The following MBD1 variants were observed in gnomAD, a reference collection of about 807,000 sequenced individuals.
The protein encoded by MBD1 is methyl-CpG-binding domain protein 1.
MBD1 carries 25 observed loss-of-function variants against 82.6 expected under a neutral mutation model. The observed-to-expected ratio is 0.30, with a 90% CI of 0.22 to 0.42. The LOEUF (loss-of-function observed/expected upper bound fraction) is 0.42, where lower values mean the gene tolerates loss of function less well. Among genes scored for constraint, MBD1 ranks in the 10% least tolerant of loss-of-function variants. The probability of loss-of-function intolerance (pLI) is 1.00; values close to 1 mark genes in which losing one functional copy is unlikely to be tolerated. For missense variants in MBD1, 627 were observed against 819.6 expected, an observed-to-expected ratio of 0.76 and a Z score of 2.87; for synonymous variants, 301 against 303.7, an observed-to-expected ratio of 0.99 and a Z score of 0.09.
intron 1 of MBD1, among the ~76,000 whole-genome samples, chr18:50,280,874 G>C: frequency 6.6e-6 from 1 of 151,662 alleles, no homozygotes; most frequent in East Asian, 1.9e-4. Context: ...TCAGCATTCC[G>C]AACCCTCCTC....
intron 8 of MBD1, 107 bp downstream of exon 8, chr18:50,275,493 T>C: frequency 6.2e-7 from 1 of 1,601,354 alleles, no homozygotes; most frequent in Non-Finnish European, 8.5e-7. Context: ...AGCATAGGGT[T>C]AGGCAGAAAA....
Position 50,274,245 on chromosome 18 carries a change from C to T in MBD1, c.1087G>A (p.Gly363Arg). The change falls in exon 11 of 17, where the codon GGG becomes AGG. Residue 363 changes from glycine (G) to arginine (R), a missense_variant. Physicochemically the swap from Gly to Arg is moderately radical, Grantham distance 125. Around this residue, in one of 6 missense-constraint regions of MBD1, gnomAD observed 12 missense variants for 39.4 expected, o/e 0.30. Transcript: ENST00000269468. ...CDFCCDKPKF[G>R]GSNQKRQKCR... ...TTCTGGCGCTTCTGGTTGCTGCCCCCGAATTTGGGCTTGTCGCAGCAGAAG... is the reference window on the plus strand; with the variant it reads ...TTCTGGCGCTTCTGGTTGCTGCCCCTGAATTTGGGCTTGTCGCAGCAGAAG... 3 of 1,614,174 alleles carry T rather than the reference C, an allele frequency of 1.9e-6. No homozygotes were observed. The highest frequency in any genetic ancestry group is 2.2e-5 in the East Asian group (1 of 44,882).
At chr18:50,281,311 T>C (rs1466919326) in intron 1 of MBD1, 52 bp downstream of exon 1, 6 of 1,275,478 alleles carry the variant, frequency 4.7e-6, no homozygotes, top group Non-Finnish European at 6.6e-6. Flanking sequence ...CCACAATTCC[T>C]TCCCATCCTC....
At chr18:50,270,267 G>A (rs2034967177) in intron 16 of MBD1, 2 of 1,003,308 alleles carry the variant, frequency 2.0e-6, no homozygotes, top group South Asian at 2.5e-5. Context: ...GTAAGGCAAG[G>A]GAGGCACACA....
intron 2 of MBD1, among the ~76,000 whole-genome samples, chr18:50,277,572 A>G (rs1208850135): frequency 6.4e-5 from 2 of 31,168 alleles, no homozygotes; most frequent in African/African-American, 1.4e-4. Flanking sequence ...TACCAAGTAT[A>G]TATCAAGTAA....
chr18:50,281,164 C>G (rs997092934), intron 1 of MBD1, 199 bp downstream of exon 1: 59 of 1,533,728 alleles, frequency 3.8e-5, no homozygotes, highest in Non-Finnish European at 5.0e-5. Context: ...ACACTCCTAC[C>G]TGTCAGAGTT....
intron 13 of MBD1, 161 bp downstream of exon 13, chr18:50,273,173 G>A (rs2146404400): frequency 1.6e-6 from 2 of 1,261,224 alleles, no homozygotes; most frequent in East Asian, 2.5e-5. Context: ...CTAGTTGCCT[G>A]TGGGAGGTAG....
intron 2 of MBD1, 89 bp from the exon 3 acceptor site, chr18:50,277,293 G>C: frequency 9.5e-7 from 1 of 1,056,240 alleles, no homozygotes; most frequent in East Asian, 2.5e-5. Flanking sequence ...CAGGATATAG[G>C]AGGCAGCCTG....
Position 50,269,406 on chromosome 18 carries a change from C to T in MBD1, c.*445G>A. On this transcript the variant is annotated 3_prime_UTR_variant, in exon 17 of 17. Transcript: ENST00000269468. ...AAGATGGGCCACAAGAGACATTTTG[C>T]TTGATAACCGGAGGGCGGAAGTGAA... 9.2e-7 allele frequency: 1 copy of T among 1,082,814 alleles called. No individual in the cohort carries two copies. Among genetic ancestry groups the T allele is most frequent in the Non-Finnish European group, 1.3e-6 (1 of 780,044 alleles). 67.1% of individuals were successfully genotyped at this position (1,082,814 alleles called of 1,614,324 possible).
Position 50,268,862 on chromosome 18 carries a change from A to C in MBD1, c.*989T>G, listed in dbSNP as rs1269508266. The stretch of plus-strand genomic sequence containing the variant: ...GCATGTAAGTAAGTGGGACAATAAA[A>C]ATTTAAAAATAATTTTAAAATAGAA... On this transcript the variant is annotated 3_prime_UTR_variant, in exon 17 of 17. Coordinates refer to ENST00000269468, the MANE Select transcript of MBD1 (RefSeq NM_015846.4). The C allele has an allele frequency of 3.1e-6, 3 of 955,248 alleles. No homozygotes were observed. The highest frequency in any genetic ancestry group is 3.5e-5 in the African/African-American group (2 of 56,668). 59.2% of individuals were successfully genotyped at this position (955,248 alleles called of 1,614,324 possible).
chr18:50,281,201 G>A, intron 1 of MBD1, 162 bp downstream of exon 1: 9 of 1,533,932 alleles, frequency 5.9e-6, no homozygotes, highest in Non-Finnish European at 7.8e-6. Context: ...CCCGTCCTCA[G>A]CCTAAATCCC....
At position 50,271,515 on chromosome 18, in the gene MBD1, C is replaced by A; in HGVS notation, c.1804G>T (p.Ala602Ser). 1 of 1,614,174 alleles carries A rather than the reference C, an allele frequency of 6.2e-7. No individual in the cohort carries two copies. ...AAGCCTCCAGTCTACTGCTTTCTAG[C>A]TCCAGGTTTTTTAAGGTCTTTGGAC... Reference protein sequence around the residue: ...PRSKDLKKPGARKQ With the variant: ...PRSKDLKKPGSRKQ The change falls in exon 16 of 17, where the codon GCT becomes TCT. Residue 602 changes from alanine (A) to serine (S), a missense_variant. By Grantham distance (99) the Ala-to-Ser change is moderately conservative. Around this residue, in one of 6 missense-constraint regions of MBD1, gnomAD observed 265 missense variants for 278.4 expected, o/e 0.95. Transcript: ENST00000269468.
At chr18:50,268,192 G>A (rs369023278), downstream of MBD1, among the ~76,000 whole-genome samples, 30 of 152,354 alleles carry the variant, frequency 2.0e-4, no homozygotes, top group Admixed American at 8.5e-4. Flanking sequence ...ACATCCTCCG[G>A]GAAGGCGGCA....
chr18:50,269,143 A>G lies in MBD1; in HGVS notation c.*708T>C, dbSNP rs11538165. ...CACAGGCCAGGTTCTCAATACTTGAATAAATGACACAAAAATAGCCAGGAC... is the reference window on the plus strand; with the variant it reads ...CACAGGCCAGGTTCTCAATACTTGAGTAAATGACACAAAAATAGCCAGGAC... On this transcript the variant is annotated 3_prime_UTR_variant, in exon 17 of 17. Coordinates refer to ENST00000269468, the MANE Select transcript of MBD1 (RefSeq NM_015846.4). 2 of 1,038,318 alleles carry G rather than the reference A, an allele frequency of 1.9e-6. No homozygotes were observed. The highest frequency in any genetic ancestry group is 3.5e-5 in the South Asian group (1 of 28,400). The allele number at this position is 1,038,318 out of a possible 1,614,324, so 64.3% of individuals were successfully genotyped here.
rs1385082659 is a variant in MBD1 at position 50,272,923 on chromosome 18, T to C, written c.1617A>G (p.Gln539=). ...TGTCCTCCTCTGGGTCAGGTGGCTCTTGCTTCACAGAAGGCAGGCCTGGGT... is the reference window on the plus strand; with the variant it reads ...TGTCCTCCTCTGGGTCAGGTGGCTCCTGCTTCACAGAAGGCAGGCCTGGGT... ...AVDPGLPSVK[Q]EPPDPEEDKE... The change falls in exon 14 of 17, where the codon CAA becomes CAG. Residue 539 remains glutamine (Q), a synonymous_variant. Transcript: ENST00000269468. 6.2e-7 allele frequency: 1 copy of C among 1,614,204 alleles called. No individual in the cohort carries two copies. Among genetic ancestry groups the C allele is most frequent in the Admixed American group, 1.7e-5 (1 of 60,022 alleles).
At position 50,273,883 on chromosome 18, in the gene MBD1, G is replaced by T; in HGVS notation, c.1147-20C>A. The T allele has an allele frequency of 6.2e-7, 1 of 1,610,016 alleles. No homozygotes were observed. On this transcript the variant is annotated intron_variant, in intron 11 of 16. Coordinates refer to ENST00000269468, the MANE Select transcript of MBD1 (RefSeq NM_015846.4). ...CCGCTTCTATGGGGAAAGATAGGGT[G>T]CTATGGCTACCTGGTGTCCTGACCA...
intron 2 of MBD1, among the ~76,000 whole-genome samples, chr18:50,278,216 A>G (rs992643823): frequency 1.3e-5 from 2 of 152,248 alleles, no homozygotes; most frequent in Non-Finnish European, 2.9e-5. Flanking sequence ...ACGCTACTCA[A>G]AACGGCACAC....
chr18:50,274,133 G>A, intron 11 of MBD1, 53 bp downstream of exon 11: 8 of 1,606,414 alleles, frequency 5.0e-6, no homozygotes, highest in South Asian at 1.1e-5. Flanking sequence ...TCCAGGCACT[G>A]GGGCGCCTGG....
Position 50,269,473 on chromosome 18 carries a change from G to A in MBD1, c.*378C>T, listed in dbSNP as rs1427422300. ...TTTACACTTGGAAGGTTGGTGCTGG[G>A]GCACCAGGCGTTGTTGCAGTTCACA... is the stretch of plus-strand genomic sequence containing the variant. On this transcript the variant is annotated 3_prime_UTR_variant, in exon 17 of 17. Transcript: ENST00000269468. 1 of 727,566 alleles carries A rather than the reference G, an allele frequency of 1.4e-6. No homozygotes were observed. Among genetic ancestry groups the A allele is most frequent in the African/African-American group, 1.7e-5 (1 of 57,292 alleles). The allele number at this position is 727,566 out of a possible 1,614,324, so 45.1% of individuals were successfully genotyped here.
Sources: gnomAD v4.1 joint callset for allele counts (sites outside exome capture counted in the v4.1 genomes callset) on GRCh38, gnomAD v4.1.1 for gene constraint, gnomAD v4.1.1 regional missense constraint, MANE v1.5 for transcripts, NCBI Gene and HGNC (gene_info 2026-07-23, HGNC 2026-07-21) for gene names.